Variants in ARHGAP45 observed in about 807,000 individuals in gnomAD.
The protein encoded by ARHGAP45 is Rho GTPase activating protein 45, also known as rho GTPase-activating protein 45.
Under a neutral mutation model 116.1 loss-of-function variants are expected in ARHGAP45, and 56 were observed. The ratio of observed to expected loss-of-function variants is 0.48; its 90% CI spans 0.39 to 0.60. The LOEUF is 0.60. Among genes scored for constraint, ARHGAP45 ranks in the 20% least tolerant of loss-of-function variants. The pLI is 0.00. For synonymous variants in ARHGAP45, 866 were observed against 701.7 expected, an observed-to-expected ratio of 1.23 and a Z score of -3.70; for missense variants, 1,622 against 1,601.0, an observed-to-expected ratio of 1.01 and a Z score of -0.22.
chr19:1,081,201 G>A (rs2043424132), intron 17 of ARHGAP45, 137 bp downstream of exon 17: 2 of 1,030,836 alleles, frequency 1.9e-6, no homozygotes, highest in Non-Finnish European at 2.8e-6. Flanking sequence ...GAAGCGAACG[G>A]AGGGGGTGGG....
At chr19:1,080,814 G>A (rs894686064) in intron 16 of ARHGAP45, 28 bp downstream of exon 16, 2 of 1,612,020 alleles carry the variant, frequency 1.2e-6, no homozygotes, top group Non-Finnish European at 1.7e-6. Context: ...GGGCTGGAGA[G>A]AGAGGGGGGT....
rs1055993540 is a variant in ARHGAP45 at position 1,069,194 on chromosome 19, G to C, written c.421+450G>C. The stretch of plus-strand genomic sequence containing the variant: ...TGTGTCTTGGAATGAAGCAAACTGG[G>C]GGTTGGCTGAGGTCTGGGTGGAGAG... On this transcript the variant is annotated intron_variant, in intron 2 of 22. Coordinates refer to ENST00000313093, the MANE Select transcript of ARHGAP45 (RefSeq NM_012292.5). The surrounding 1 kb of genome is among the most constrained non-coding windows in gnomAD (Gnocchi z 4.1). Among the ~76,000 whole-genome samples, 11 of 152,128 alleles carry C rather than the reference G, an allele frequency of 7.2e-5. No individual in the cohort carries two copies. The highest frequency in any genetic ancestry group is 7.4e-5 in the Non-Finnish European group (5 of 68,018).
At chr19:1,081,499 C>G in intron 17 of ARHGAP45, 51 bp from the exon 18 acceptor site, 4 of 1,432,606 alleles carry the variant, frequency 2.8e-6, no homozygotes, top group Non-Finnish European at 3.7e-6. Context: ...CTGGGGGCTG[C>G]GCTGAGCTGG....
chr19:1,085,092 A>G (rs1190098803), intron 22 of ARHGAP45, among the ~76,000 whole-genome samples: 1 of 152,080 alleles, frequency 6.6e-6, no homozygotes, highest in African/African-American at 2.4e-5. Context: ...AAAAAGAAAT[A>G]CCTGAGACTG....
At chr19:1,077,196 G>A (rs1022000742) in intron 10 of ARHGAP45, 1 of 985,374 alleles carries the variant, frequency 1.0e-6, no homozygotes, top group African/African-American at 1.7e-5. Context: ...CTGTGAGGAG[G>A]GAAGTGAAAG....
intron 2 of ARHGAP45, among the ~76,000 whole-genome samples, chr19:1,072,505 T>C (rs2043159298): frequency 6.6e-6 from 1 of 152,230 alleles, no homozygotes; most frequent in Admixed American, 6.5e-5. Context: ...TCCTCCTGCC[T>C]CAGCCTCCCA....
At chr19:1,078,772 A>G (rs1189188637) in intron 11 of ARHGAP45, among the ~76,000 whole-genome samples, 1 of 151,648 alleles carries the variant, frequency 6.6e-6, no homozygotes, top group African/African-American at 2.4e-5. Context: ...GCTGGAGTGC[A>G]GTGACGTGAT....
In ARHGAP45 at chr19:1,083,340, C is replaced by T. The variant is rs749632976; in HGVS notation, c.2942C>T (p.Thr981Ile). The T allele has an allele frequency of 3.9e-6, 6 of 1,549,180 alleles. 1 individual carries two copies. Among genetic ancestry groups the T allele is most frequent in the South Asian group, 3.5e-5 (3 of 84,582 alleles). Residue 981 changes from threonine (T) to isoleucine (I), a missense_variant, in exon 21 of 23, where the codon ACC (threonine) becomes ATC (isoleucine). Physicochemically the swap from Thr to Ile is moderately conservative, Grantham distance 89. Coordinates refer to ENST00000313093, the MANE Select transcript of ARHGAP45 (RefSeq NM_012292.5). The part of the protein sequence containing the change: ...GLVFEEEPEE[T>I]PGGQDESSNQ... ...GTCTTCGAGGAGGAGCCGGAGGAGA[C>T]CCCCGGGGGCCAGGTGAGGGTGTGG...
intron 21 of ARHGAP45, 90 bp from the exon 22 acceptor site, chr19:1,084,148 G>A: frequency 1.7e-6 from 2 of 1,208,450 alleles, no homozygotes; most frequent in Non-Finnish European, 2.5e-6. Context: ...GGTGTCAGTA[G>A]CTGTTACGGG....
chr19:1,067,036 C>A (rs924469993), upstream of ARHGAP45: 10 of 356,308 alleles, frequency 2.8e-5, no homozygotes, highest in Non-Finnish European at 4.0e-5. Flanking sequence ...TCGGCCGCCC[C>A]GTGCCCGCCA....
At position 1,073,971 on chromosome 19, in the gene ARHGAP45, G is replaced by A. The variant is rs1217659927; in HGVS notation, c.747G>A (p.Pro249=). ...AGTCCATGGAAAGCCTGTATGGACC[G>A]GGCAGTGAGGGCACGCCTCCCAGCC... ...SSQSMESLYG[P]GSEGTPPSLE... is the part of the protein sequence containing the mutation. Residue 249 remains proline (P), a synonymous_variant, in exon 6 of 23, where the codon CCG becomes CCA. Transcript: ENST00000313093. 3.8e-6 allele frequency: 6 copies of A among 1,586,620 alleles called. No homozygotes were observed. The highest frequency in any genetic ancestry group is 1.7e-4 in the Middle Eastern group (1 of 5,886).
rs1474705245 is a variant in ARHGAP45 at position 1,081,721 on chromosome 19, C to T, written c.2362C>T (p.Arg788Trp). 3 of 1,570,450 alleles carry T rather than the reference C, an allele frequency of 1.9e-6. No homozygotes were observed. The highest frequency in any genetic ancestry group is 1.8e-5 in the Admixed American group (1 of 55,696). ...VKKCVCEIERRALRTKGIYRV... is the reference protein window; with the variant it reads ...VKKCVCEIERWALRTKGIYRV... ...GAAGTGCGTCTGCGAGATCGAGCGG[C>T]GGGCGCTGCGCACCAAGGTGAGGCG... Residue 788 changes from arginine (R) to tryptophan (W), a missense_variant, in exon 18 of 23, where the codon CGG (arginine) becomes TGG (tryptophan). This residue lies in a region of ARHGAP45 where 1,334 missense variants were observed against 1,263.8 expected (regional missense o/e 1.06). Transcript: ENST00000313093.
chr19:1,074,479 C>T, intron 8 of ARHGAP45, 72 bp downstream of exon 8: 2 of 1,430,284 alleles, frequency 1.4e-6, no homozygotes, highest in South Asian at 2.9e-5. Context: ...TTCAAGGGCC[C>T]AGGGACCAAG....
Position 1,068,638 on chromosome 19 carries a change from C to G in ARHGAP45, c.315C>G (p.Thr105=), listed in dbSNP as rs377167990. 1 of 1,612,386 alleles carries G rather than the reference C, an allele frequency of 6.2e-7. No homozygotes were observed. Among genetic ancestry groups the G allele is most frequent in the Middle Eastern group, 1.6e-4 (1 of 6,062 alleles). ...CCGCCAGCCCGGGCGAGCTGCCCACCGAGGGTGCCGGCCCGGACGTCGTCG... is the reference window on the plus strand; with the variant it reads ...CCGCCAGCCCGGGCGAGCTGCCCACGGAGGGTGCCGGCCCGGACGTCGTCG... ...LTAASPGELP[T]EGAGPDVVED... Residue 105 remains threonine, a synonymous_variant, in exon 2 of 23, where the codon ACC becomes ACG. Coordinates refer to ENST00000313093, the MANE Select transcript of ARHGAP45 (RefSeq NM_012292.5). The surrounding 1 kb of genome is among the most constrained non-coding windows in gnomAD (Gnocchi z 7.5).
In ARHGAP45 at chr19:1,074,793, C is replaced by G; in HGVS notation, c.1105-6C>G. 1.9e-6 allele frequency: 3 copies of G among 1,601,808 alleles called. No individual in the cohort carries two copies. The highest frequency in any genetic ancestry group is 2.6e-6 in the Non-Finnish European group (3 of 1,176,224). ...GGGTACCCACTCACGGCCCGTCTCG[C>G]CCCAGCCCCTGACCCTGCGGCGGCT... On this transcript the variant is annotated splice_polypyrimidine_tract_variant and splice_region_variant and intron_variant, in intron 9 of 22. Coordinates refer to ENST00000313093, the MANE Select transcript of ARHGAP45 (RefSeq NM_012292.5).
rs1030434450 is a variant in ARHGAP45 at position 1,071,230 on chromosome 19, C to G, written c.422-1919C>G. 5.3e-5 allele frequency: 77 copies of G among 1,462,534 alleles called. No homozygotes were observed. In the East Asian group the frequency reaches 2.1e-3, roughly 40 times the overall value. 90.6% of individuals were successfully genotyped at this position (1,462,534 alleles called of 1,614,324 possible). ...GAGCCGGTTTGGCCACCGGAGACCC[C>G]CATCGGTCAGCTGCCAGGCCCCACG... On this transcript the variant is annotated intron_variant, in intron 2 of 22. Coordinates refer to ENST00000313093, the MANE Select transcript of ARHGAP45 (RefSeq NM_012292.5). This position sits in a 1 kb window ranked among gnomAD's most constrained non-coding sequence, Gnocchi z 4.6.
In ARHGAP45 at chr19:1,085,979, CA is replaced by C; in HGVS notation, c.3385del (p.Arg1129GlyfsTer36). 1 of 1,612,524 alleles carries C rather than the reference CA, an allele frequency of 6.2e-7. No homozygotes were observed. The highest frequency in any genetic ancestry group is 8.5e-7 in the Non-Finnish European group (1 of 1,179,734). On this transcript the variant is annotated frameshift_variant, in exon 23 of 23. Transcript: ENST00000313093. LOFTEE classifies it high-confidence loss of function. ...RGGRMTLGSCRERQPEFV is the reference protein window; with the variant it reads ...RGGRMTLGSCXERQPEFV ...GCGGGCGGATGACACTGGGCTCCTG[CA>C]GGGAAAGGCAGCCGGAATTCGTGTG...
intron 22 of ARHGAP45, among the ~76,000 whole-genome samples, chr19:1,085,242 G>T (rs2043572200): frequency 6.6e-6 from 1 of 152,114 alleles, no homozygotes; most frequent in Non-Finnish European, 1.5e-5. Context: ...CTTGTGTCCG[G>T]AAACTCCAGT....
At chr19:1,083,103 C>G (rs1375042901) in intron 20 of ARHGAP45, 37 bp downstream of exon 20, 1 of 1,571,010 alleles carries the variant, frequency 6.4e-7, no homozygotes, top group African/African-American at 1.3e-5. Flanking sequence ...GCGCGGGGTC[C>G]CGGGAGCCGC....
Sources: gnomAD v4.1 joint callset for allele counts (sites outside exome capture counted in the v4.1 genomes callset) on GRCh38, gnomAD v4.1.1 for gene constraint, gnomAD v4.1.1 regional missense constraint, Gnocchi (gnomAD v3.1) non-coding constraint, MANE v1.5 for transcripts, NCBI Gene and HGNC (gene_info 2026-07-23, HGNC 2026-07-21) for gene names.